The following CLIC5 variants were observed in gnomAD, a reference collection of about 807,000 sequenced individuals.
CLIC5 encodes chloride intracellular channel protein 5.
CLIC5 carries 20 observed loss-of-function variants against 24.7 expected under a neutral mutation model. That is an observed-to-expected ratio of 0.81 (90% CI 0.57 to 1.18). The LOEUF is 1.18. Among genes scored for constraint, CLIC5 ranks in the 50% most tolerant of loss-of-function variants. CLIC5 has a pLI of 0.00. For synonymous variants in CLIC5, 159 were observed against 135.6 expected (o/e 1.17, Z -1.20); for missense variants, 341 against 326.1 (o/e 1.05, Z -0.35).
rs531090497 is a variant in CLIC5 at position 46,072,019 on chromosome 6, G to A, written c.540+7684C>T. Among the ~76,000 whole-genome samples, 6 of 152,248 alleles carry A rather than the reference G, an allele frequency of 3.9e-5. No homozygotes were observed. In the South Asian group the frequency reaches 1.2e-3, roughly 32 times the overall value. On this transcript the variant is annotated intron_variant, in intron 1 of 5. Coordinates refer to the CLIC5 transcript ENST00000185206. ...AAACACCGCATGCTCTCACCCATAA[G>A]TGGGAGCTAAATGATGAGAACACAC... is the stretch of plus-strand genomic sequence containing the variant.
At chr6:45,948,640 C>T (rs953762092) in intron 3 of CLIC5, among the ~76,000 whole-genome samples, 3 of 152,114 alleles carry the variant, frequency 2.0e-5, no homozygotes, top group African/African-American at 7.2e-5. Flanking sequence ...ATTTTAGAAG[C>T]CATCTGTCTT....
At chr6:45,960,795 C>T (rs1764820427) in intron 1 of CLIC5, among the ~76,000 whole-genome samples, 1 of 152,196 alleles carries the variant, frequency 6.6e-6, no homozygotes, top group African/African-American at 2.4e-5. Context: ...CTGCTCCCTG[C>T]CTGAACTCTG....
the CLIC5 span, chr6:46,097,353 G>C: frequency 6.6e-6 from 1 of 152,136 alleles, no homozygotes; most frequent in Admixed American, 6.5e-5. Flanking sequence ...ATGTCTAAAA[G>C]AAAAAAACAA....
At chr6:46,002,241 T>A (rs1041842366) in intron 1 of CLIC5, among the ~76,000 whole-genome samples, 61 of 120,864 alleles carry the variant, frequency 5.0e-4, no homozygotes, top group African/African-American at 1.6e-3. Flanking sequence ...TAGTCTGTAA[T>A]TTTTTTTGTT....
the CLIC5 span, among the ~76,000 whole-genome samples, chr6:46,117,861 G>A: frequency 1.3e-5 from 2 of 152,072 alleles, no homozygotes; most frequent in South Asian, 2.1e-4. Flanking sequence ...TCTTAAAGCT[G>A]ATTAGCAACA....
intron 1 of CLIC5, among the ~76,000 whole-genome samples, chr6:46,031,885 T>A (rs1767510469): frequency 6.8e-6 from 1 of 146,902 alleles, no homozygotes; most frequent in African/African-American, 2.5e-5. Context: ...AACATATATA[T>A]ATACACACAT....
chr6:45,991,574 T>C (rs1351334356), intron 1 of CLIC5, among the ~76,000 whole-genome samples: 1 of 152,250 alleles, frequency 6.6e-6, no homozygotes, highest in Non-Finnish European at 1.5e-5. Flanking sequence ...TGTTTTAAAC[T>C]GCTAAATTTG....
At chr6:45,976,405 A>C (rs146739562) in intron 1 of CLIC5, among the ~76,000 whole-genome samples, 2 of 152,142 alleles carry the variant, frequency 1.3e-5, no homozygotes, top group African/African-American at 4.8e-5. Context: ...GACTGGGGGA[A>C]TTCCAGGACT....
intron 1 of CLIC5, among the ~76,000 whole-genome samples, chr6:46,013,644 G>A (rs1766883975): frequency 6.6e-6 from 1 of 152,154 alleles, no homozygotes; most frequent in Non-Finnish European, 1.5e-5. Flanking sequence ...TGTGCAGTAA[G>A]GTTTTTATAT....
chr6:46,055,369 C>T (rs1198168520), intron 1 of CLIC5, among the ~76,000 whole-genome samples: 1 of 152,148 alleles, frequency 6.6e-6, no homozygotes, highest in Non-Finnish European at 1.5e-5. Flanking sequence ...TCCCAAAGTG[C>T]TGGGAAAACA....
intron 3 of CLIC5, among the ~76,000 whole-genome samples, chr6:45,943,576 T>C (rs1372147644): frequency 6.6e-6 from 1 of 152,262 alleles, no homozygotes; most frequent in Non-Finnish European, 1.5e-5. Flanking sequence ...AAATGCCAAG[T>C]GTTCTTTGTT....
At chr6:46,116,900 T>A in the CLIC5 span, among the ~76,000 whole-genome samples, 1 of 152,162 alleles carries the variant, frequency 6.6e-6, no homozygotes, top group Non-Finnish European at 1.5e-5. Context: ...GAACCCTAGG[T>A]GAACACCTTA....
At chr6:45,996,541 A>T (rs2127428671) in intron 1 of CLIC5, among the ~76,000 whole-genome samples, 1 of 152,136 alleles carries the variant, frequency 6.6e-6, no homozygotes. Context: ...TAGGGAAGGG[A>T]TCCAGTTTCA....
chr6:46,019,043 T>C (rs1463814009), upstream of CLIC5, among the ~76,000 whole-genome samples: 2 of 147,262 alleles, frequency 1.4e-5, no homozygotes, highest in Admixed American at 1.4e-4. Flanking sequence ...TTGTAATCCC[T>C]AAAGAAACAG....
chr6:45,933,556 A>G (rs972307527), intron 4 of CLIC5, among the ~76,000 whole-genome samples: 1 of 152,244 alleles, frequency 6.6e-6, no homozygotes, highest in Non-Finnish European at 1.5e-5. Context: ...TTCTTTCGGA[A>G]GTTAGAAGCA....
At chr6:45,999,732 GT>G (rs1201850451) in intron 1 of CLIC5, among the ~76,000 whole-genome samples, 133 of 50,844 alleles carry the variant, frequency 2.6e-3, no homozygotes, top group African/African-American at 8.4e-3. Flanking sequence ...CTTCCTTGTG[GT>G]TTTTTTTTTT....
At chr6:45,965,030 T>A (rs985802258) in intron 1 of CLIC5, among the ~76,000 whole-genome samples, 1 of 152,226 alleles carries the variant, frequency 6.6e-6, no homozygotes, top group Non-Finnish European at 1.5e-5. Context: ...TGAAATATTA[T>A]GCCTTGATGA....
At chr6:46,009,126 C>G (rs1366118663) in intron 1 of CLIC5, among the ~76,000 whole-genome samples, 5 of 151,814 alleles carry the variant, frequency 3.3e-5, no homozygotes, top group African/African-American at 1.2e-4. Context: ...GAACCACCAG[C>G]CTACCCATGG....
chr6:46,106,014 G>GGGTT, the CLIC5 span, among the ~76,000 whole-genome samples: 1 of 152,198 alleles, frequency 6.6e-6, no homozygotes, highest in East Asian at 1.9e-4. Flanking sequence ...AAATGATTCT[G>GGGTT]GGTTGCCCAC....
Sources: allele counts gnomAD v4.1 joint callset (sites outside exome capture counted in the v4.1 genomes callset), GRCh38; gene constraint gnomAD v4.1.1; transcripts MANE v1.5; gene names NCBI Gene and HGNC (gene_info 2026-07-23, HGNC 2026-07-21).